Variants in EPHA6 observed in about 807,000 individuals in gnomAD.
The protein encoded by EPHA6 is ephrin type-A receptor 6.
EPHA6 carries 50 observed loss-of-function variants against 112.0 expected under a neutral mutation model. The observed-to-expected ratio is 0.45, with a 90% CI of 0.36 to 0.56. EPHA6 has a LOEUF of 0.56. Among genes scored for constraint, EPHA6 ranks in the 20% least tolerant of loss-of-function variants. The pLI, the probability that EPHA6 is intolerant of heterozygous loss-of-function variation, is 0.00. For missense variants in EPHA6, 1,280 were observed against 1,417.4 expected (o/e 0.90, Z 1.56); for synonymous variants, 529 against 490.7 (o/e 1.08, Z -1.03).
chr3:96,902,070 C>T (rs1373117056), intron 2 of EPHA6, among the ~76,000 whole-genome samples: 1 of 152,016 alleles, frequency 6.6e-6, no homozygotes, highest in African/African-American at 2.4e-5. Context: ...ACAGTGTCAG[C>T]CTATTATGTT....
intron 5 of EPHA6, among the ~76,000 whole-genome samples, chr3:97,256,073 A>G (rs919937191): frequency 6.6e-5 from 10 of 152,238 alleles, no homozygotes; most frequent in Admixed American, 2.0e-4. Context: ...CTCATTTATG[A>G]AGAGTTAAAA....
intron 5 of EPHA6, among the ~76,000 whole-genome samples, chr3:97,358,299 A>C (rs1238187357): frequency 6.6e-6 from 1 of 150,504 alleles, no homozygotes; most frequent in Non-Finnish European, 1.5e-5. Flanking sequence ...AAGTTACAAC[A>C]CTCTAATTTG....
intron 3 of EPHA6, among the ~76,000 whole-genome samples, chr3:97,062,611 T>A (rs1011134886): frequency 5.3e-5 from 8 of 152,106 alleles, no homozygotes; most frequent in African/African-American, 1.7e-4. Flanking sequence ...AGGGACCCAA[T>A]GGGAGATAAT....
chr3:97,611,055 A>G (rs1248325081), intron 13 of EPHA6, among the ~76,000 whole-genome samples: 1 of 151,650 alleles, frequency 6.6e-6, no homozygotes, highest in Non-Finnish European at 1.5e-5. Flanking sequence ...TCAATAACGT[A>G]ATTGATTTCT....
intron 11 of EPHA6, among the ~76,000 whole-genome samples, chr3:97,556,383 G>C (rs2093109838): frequency 6.6e-6 from 1 of 152,074 alleles, no homozygotes; most frequent in Non-Finnish European, 1.5e-5. Context: ...TAGGAAAGAG[G>C]TTTAATTCAC....
At chr3:97,528,843 G>A (rs1387922084) in intron 10 of EPHA6, among the ~76,000 whole-genome samples, 2 of 152,134 alleles carry the variant, frequency 1.3e-5, no homozygotes, top group East Asian at 3.9e-4. Flanking sequence ...CAACATCCAG[G>A]GAGATAGATG....
chr3:96,830,761 A>G (rs1174490166), intron 1 of EPHA6, among the ~76,000 whole-genome samples: 1 of 151,892 alleles, frequency 6.6e-6, no homozygotes, highest in Non-Finnish European at 1.5e-5. Flanking sequence ...TTGGAGAACA[A>G]TTCTTAGGGG....
At chr3:97,153,908 A>G (rs2076227741) in intron 3 of EPHA6, among the ~76,000 whole-genome samples, 1 of 152,032 alleles carries the variant, frequency 6.6e-6, no homozygotes, top group Non-Finnish European at 1.5e-5. Context: ...GGTCGCTCCT[A>G]TAATCCCAGC....
intron 11 of EPHA6, among the ~76,000 whole-genome samples, chr3:97,552,556 G>A (rs1374127853): frequency 1.3e-5 from 2 of 152,068 alleles, no homozygotes; most frequent in African/African-American, 4.8e-5. Flanking sequence ...TCTTAAAATA[G>A]GCAACATCTC....
At chr3:97,708,893 T>A (rs956901753) in intron 14 of EPHA6, among the ~76,000 whole-genome samples, 4 of 152,126 alleles carry the variant, frequency 2.6e-5, no homozygotes, top group African/African-American at 9.7e-5. Context: ...GGCCTGCAGG[T>A]GTGCAGAAGA....
intron 3 of EPHA6, among the ~76,000 whole-genome samples, chr3:97,176,467 G>T (rs2108440380): frequency 6.6e-6 from 1 of 152,000 alleles, no homozygotes; most frequent in African/African-American, 2.4e-5. Context: ...GTTTGAGTAG[G>T]ATTGATATTA....
chr3:96,833,342 G>A (rs1227584943), intron 1 of EPHA6, among the ~76,000 whole-genome samples: 1 of 151,548 alleles, frequency 6.6e-6, no homozygotes, highest in Non-Finnish European at 1.5e-5. Context: ...CAAAAAACTA[G>A]GAAGGAGGCA....
chr3:97,178,633 A>T (rs978108593), intron 3 of EPHA6, among the ~76,000 whole-genome samples: 1 of 152,018 alleles, frequency 6.6e-6, no homozygotes, highest in East Asian at 1.9e-4. Context: ...TCTATGATTA[A>T]AGTTTTTTCC....
chr3:96,891,773 C>T (rs62262954), intron 2 of EPHA6, among the ~76,000 whole-genome samples: 2 of 152,138 alleles, frequency 1.3e-5, no homozygotes, highest in Non-Finnish European at 2.9e-5. Context: ...ATGATAGCTA[C>T]ATGGGTCTGT....
At chr3:97,034,658 C>T (rs138812268) in intron 3 of EPHA6, among the ~76,000 whole-genome samples, 1,934 of 151,988 alleles carry the variant, frequency 0.013, 20 homozygotes, top group Non-Finnish European at 0.02. Context: ...TAACATCACC[C>T]AGGTTTAGGT....
chr3:97,582,683 T>C (rs1401744828), intron 11 of EPHA6, among the ~76,000 whole-genome samples: 1 of 152,202 alleles, frequency 6.6e-6, no homozygotes, highest in African/African-American at 2.4e-5. Context: ...TTGTGTTCCC[T>C]GATTATCTAC....
intron 3 of EPHA6, among the ~76,000 whole-genome samples, chr3:97,093,921 A>G (rs2047154531): frequency 6.6e-6 from 1 of 152,158 alleles, no homozygotes; most frequent in Admixed American, 6.6e-5. Flanking sequence ...AGAAATTTCA[A>G]TTCTGAGATT....
intron 11 of EPHA6, among the ~76,000 whole-genome samples, chr3:97,582,802 T>C (rs1178475683): frequency 6.6e-6 from 1 of 152,166 alleles, no homozygotes; most frequent in Non-Finnish European, 1.5e-5. Context: ...AAAGCTGGTA[T>C]CTTAGCCTTA....
intron 5 of EPHA6, among the ~76,000 whole-genome samples, chr3:97,300,841 A>G (rs770802610): frequency 3.6e-4 from 55 of 152,156 alleles, no homozygotes; most frequent in Admixed American, 3.3e-3. Context: ...TTTAAAAAAA[A>G]AAAGTAGTAG....
Sources: gnomAD v4.1 joint callset for allele counts (sites outside exome capture counted in the v4.1 genomes callset) on GRCh38, gnomAD v4.1.1 for gene constraint, MANE v1.5 for transcripts, NCBI Gene and HGNC (gene_info 2026-07-23, HGNC 2026-07-21) for gene names.